ARHGEF3: variants seen among roughly 807,000 people sequenced by gnomAD.
The protein encoded by ARHGEF3 is 59.8 kDA protein.
Under a neutral mutation model 63.2 loss-of-function variants are expected in ARHGEF3, and 28 were observed. The observed-to-expected ratio is 0.44, with a 90% CI of 0.33 to 0.61. ARHGEF3 has a LOEUF of 0.61. ARHGEF3 is among the 20% of genes least tolerant of loss of function. The probability of loss-of-function intolerance (pLI) is 0.03; values close to 1 mark genes in which losing one functional copy is unlikely to be tolerated. For synonymous variants in ARHGEF3, 266 were observed against 254.2 expected, an observed-to-expected ratio of 1.05 and a Z score of -0.44; for missense variants, 533 against 659.3, an observed-to-expected ratio of 0.81 and a Z score of 2.10.
At chr3:56,737,589 T>C (rs1220093529) in intron 7 of ARHGEF3, among the ~76,000 whole-genome samples, 1 of 152,184 alleles carries the variant, frequency 6.6e-6, no homozygotes, top group Non-Finnish European at 1.5e-5. Flanking sequence ...ATAAAGATAT[T>C]TGTATTATAT....
rs199752982 is a variant in ARHGEF3, at chr3:56,768,331, T to TTAC, written c.204+5375_204+5377dup. ...GCTTCAGCCTCTCAAAGTGCTGAGA[T>TTAC]TACAGGTGTGAGCCACTACACCCGG... On this transcript the variant is annotated intron_variant, in intron 2 of 9. Transcript: ENST00000296315. Among the ~76,000 whole-genome samples, 884 of 152,162 alleles carry TTAC rather than the reference T, an allele frequency of 5.8e-3. 10 individuals are homozygous for TTAC. The highest frequency in any genetic ancestry group is 0.02 in the African/African-American group (827 of 41,512).
At chr3:57,029,148 G>T (rs59262847) in intron 2 of ARHGEF3, among the ~76,000 whole-genome samples, 1 of 152,040 alleles carries the variant, frequency 6.6e-6, no homozygotes, top group African/African-American at 2.4e-5. Context: ...ACATCTACTT[G>T]GGCCGGGCGT....
In ARHGEF3 at chr3:56,968,251, TATA is replaced by T. The variant is rs1377859600; in HGVS notation, c.63-9365_63-9363del. Among the ~76,000 whole-genome samples the T allele has an allele frequency of 8.5e-4, 38 of 44,792 alleles. 2 individuals are homozygous for T. The highest frequency in any genetic ancestry group is 2.5e-3 in the African/African-American group (35 of 14,188). The allele number at this position is 44,792 out of a possible 152,430, so 29.4% of individuals were successfully genotyped here. A position where few individuals can be genotyped will look rare whatever the true frequency, so the allele number is the denominator to read the frequency against. Reference sequence around the variant, plus strand: ...ATATATATAAATATATATATTAATATATAATATTTAAATATATAATATATAAAA... The same window carrying T: ...ATATATATAAATATATATATTAATATATATTTAAATATATAATATATAAAA... On this transcript the variant is annotated intron_variant, in intron 2 of 12. Coordinates refer to the ARHGEF3 transcript ENST00000338458.
chr3:57,034,300 A>T (rs977222580), intron 2 of ARHGEF3, among the ~76,000 whole-genome samples: 26 of 55,838 alleles, frequency 4.7e-4, no homozygotes, highest in African/African-American at 1.0e-3. Flanking sequence ...CAAATGGCTT[A>T]AAAAAAAAAA....
At chr3:56,771,070 G>A (rs1008843066) in intron 2 of ARHGEF3, among the ~76,000 whole-genome samples, 4 of 150,430 alleles carry the variant, frequency 2.7e-5, no homozygotes, top group East Asian at 2.0e-4. Context: ...CTGAGATCGC[G>A]CCACTGCACT....
intron 2 of ARHGEF3, among the ~76,000 whole-genome samples, chr3:57,000,638 T>A (rs555685613): frequency 6.6e-6 from 1 of 152,156 alleles, no homozygotes; most frequent in African/African-American, 2.4e-5. Context: ...GTTCAAGTGA[T>A]TCTCCTGCCT....
rs144202547 is a variant in ARHGEF3 at position 57,046,897 on chromosome 3, G to C, written c.-27-11721C>G. ...TGCTGTTTTTCTCTTTTTTTCCTAA[G>C]AGATTCTAGTTTCGTTTACATGAAC... On this transcript the variant is annotated intron_variant, in intron 1 of 12. Transcript: ENST00000338458. 4.9e-3 allele frequency among the ~76,000 whole-genome samples: 744 copies of C among 152,282 alleles called. 4 individuals carry two copies. The highest frequency in any genetic ancestry group is 8.4e-3 in the Non-Finnish European group (573 of 68,020).
At chr3:56,889,244 C>T (rs1230275382) in intron 3 of ARHGEF3, among the ~76,000 whole-genome samples, 1 of 152,154 alleles carries the variant, frequency 6.6e-6, no homozygotes, top group African/African-American at 2.4e-5. Flanking sequence ...ACTGCCTTTT[C>T]GGTTGTCCTG....
intron 1 of ARHGEF3, among the ~76,000 whole-genome samples, chr3:56,788,638 C>T (rs1215665259): frequency 6.6e-6 from 1 of 151,978 alleles, no homozygotes; most frequent in Non-Finnish European, 1.5e-5. Flanking sequence ...CATCTGCTTG[C>T]CTTGGGTCTG....
chr3:56,775,644 G>C, intron 1 of ARHGEF3: 5 of 985,728 alleles, frequency 5.1e-6, no homozygotes, highest in Non-Finnish European at 6.0e-6. Flanking sequence ...GGAAAGATCT[G>C]ACAGCTCTTC....
chr3:56,751,504 T>C (rs530318258), intron 4 of ARHGEF3, 108 bp from the exon 5 acceptor site: 6 of 884,838 alleles, frequency 6.8e-6, no homozygotes, highest in Admixed American at 4.4e-5. Flanking sequence ...AACTTCTGGC[T>C]CTCTAACAAC....
chr3:56,737,830 T>A (rs2107704848), intron 7 of ARHGEF3, among the ~76,000 whole-genome samples: 1 of 152,284 alleles, frequency 6.6e-6, no homozygotes, highest in Admixed American at 6.5e-5. Flanking sequence ...ATCTAATGTA[T>A]GAACAATATT....
chr3:56,944,486 T>C (rs938345160), intron 3 of ARHGEF3, among the ~76,000 whole-genome samples: 3 of 151,198 alleles, frequency 2.0e-5, no homozygotes, highest in Admixed American at 6.6e-5. Flanking sequence ...AGCCTGAAAA[T>C]GTGACTGAAT....
At chr3:56,908,816 T>C (rs549669135) in intron 3 of ARHGEF3, among the ~76,000 whole-genome samples, 2 of 152,298 alleles carry the variant, frequency 1.3e-5, no homozygotes, top group African/African-American at 4.8e-5. Flanking sequence ...CTGAAAGACC[T>C]TAAAACAGAA....
chr3:56,986,412 G>A (rs555271587), intron 2 of ARHGEF3, among the ~76,000 whole-genome samples: 13 of 152,324 alleles, frequency 8.5e-5, no homozygotes, highest in African/African-American at 2.6e-4. Flanking sequence ...GGGCCCCTGG[G>A]AGCTGTAGAC....
chr3:56,789,603 A>C (rs1026493829), intron 1 of ARHGEF3, among the ~76,000 whole-genome samples: 9 of 152,212 alleles, frequency 5.9e-5, no homozygotes, highest in African/African-American at 2.2e-4. Context: ...TTATTGTAGA[A>C]TTCTAATCCT....
chr3:56,761,573 T>C (rs984477480), intron 2 of ARHGEF3, among the ~76,000 whole-genome samples: 2 of 152,190 alleles, frequency 1.3e-5, no homozygotes, highest in Non-Finnish European at 2.9e-5. Flanking sequence ...GATGGATTCA[T>C]CAGCAACTGA....
At chr3:57,066,894 C>A (rs1363111159) in intron 1 of ARHGEF3, among the ~76,000 whole-genome samples, 5 of 152,148 alleles carry the variant, frequency 3.3e-5, no homozygotes, top group African/African-American at 1.2e-4. Context: ...TGCCAGTCTA[C>A]CTTGCTGATT....
intron 2 of ARHGEF3, among the ~76,000 whole-genome samples, chr3:57,014,616 CAATAAACA>C (rs1446348157): frequency 6.6e-6 from 1 of 151,686 alleles, no homozygotes; most frequent in East Asian, 1.9e-4. Context: ...AGTTTTTTTA[CAATAAACA>C]GATTAACAGT....
Sources: gnomAD v4.1 joint callset for allele counts (sites outside exome capture counted in the v4.1 genomes callset) on GRCh38, gnomAD v4.1.1 for gene constraint, MANE v1.5 for transcripts, NCBI Gene and HGNC (gene_info 2026-07-23, HGNC 2026-07-21) for gene names.